The following PTPN13 variants were observed in gnomAD, a reference collection of about 807,000 sequenced individuals.
PTPN13 encodes protein tyrosine phosphatase non-receptor type 13.
A neutral mutation model predicts 284.0 loss-of-function variants in PTPN13; 191 were observed. That is an observed-to-expected ratio of 0.67 (90% CI 0.60 to 0.76). The LOEUF (loss-of-function observed/expected upper bound fraction) is 0.76. Ranked by LOEUF, PTPN13 falls within the 30% of genes least tolerant of loss-of-function variation. PTPN13 has a pLI of 0.00. For missense variants in PTPN13, 2,797 were observed against 2,939.9 expected (o/e 0.95, Z 1.12); for synonymous variants, 986 against 1,022.3 (o/e 0.96, Z 0.68).
chr4:86,681,935 G>GA (rs757862103), intron 3 of PTPN13, among the ~76,000 whole-genome samples: 22 of 145,964 alleles, frequency 1.5e-4, no homozygotes, highest in East Asian at 9.9e-4. Context: ...TCAAAAAAAA[G>GA]AAAAAAAAAG....
At chr4:86,719,577 A>G (rs1216142283) in intron 9 of PTPN13, among the ~76,000 whole-genome samples, 1 of 152,168 alleles carries the variant, frequency 6.6e-6, no homozygotes, top group Non-Finnish European at 1.5e-5. Flanking sequence ...TGATTGAACT[A>G]ATTTGCTCTC....
intron 2 of PTPN13, among the ~76,000 whole-genome samples, chr4:86,670,869 C>T (rs541316084): frequency 1.6e-4 from 24 of 152,218 alleles, no homozygotes; most frequent in Non-Finnish European, 2.6e-4. Flanking sequence ...CTGTAAAATA[C>T]GACAACATAT....
At chr4:86,738,767 A>G (rs990257210) in intron 15 of PTPN13, among the ~76,000 whole-genome samples, 1 of 151,936 alleles carries the variant, frequency 6.6e-6, no homozygotes, top group African/African-American at 2.4e-5. Flanking sequence ...TGCAGCCTCC[A>G]CCTCCCAGGC....
intron 17 of PTPN13, among the ~76,000 whole-genome samples, chr4:86,746,662 G>A (rs1460939674): frequency 6.6e-6 from 1 of 151,978 alleles, no homozygotes; most frequent in Non-Finnish European, 1.5e-5. Context: ...ATTTGATACG[G>A]AGTTTCGCTC....
intron 43 of PTPN13, among the ~76,000 whole-genome samples, chr4:86,804,236 G>T (rs1370210497): frequency 2.0e-5 from 3 of 151,980 alleles, no homozygotes; most frequent in African/African-American, 7.3e-5. Flanking sequence ...ACAGCTCCAA[G>T]AATGTGTGTC....
intron 9 of PTPN13, among the ~76,000 whole-genome samples, chr4:86,720,959 A>G (rs1320112027): frequency 2.6e-5 from 4 of 152,048 alleles, no homozygotes; most frequent in Non-Finnish European, 5.9e-5. Flanking sequence ...GAGAATTTCT[A>G]AGCCTTTTTA....
chr4:86,734,725 T>G lies in PTPN13; in HGVS notation c.2013-12T>G, dbSNP rs1381493579. On this transcript the variant is annotated splice_polypyrimidine_tract_variant and intron_variant, in intron 13 of 47. Coordinates refer to ENST00000411767, the MANE Select transcript of PTPN13 (RefSeq NM_080683.3). ...CAAAGGCCAAGATGTCTGTGTGTGT[T>G]TGTTTTTTCAGACATACTCTGACGT... The G allele has an allele frequency of 6.2e-7, 1 of 1,603,326 alleles. No individual in the cohort carries two copies. Among genetic ancestry groups the G allele is most frequent in the Admixed American group, 1.7e-5 (1 of 59,668 alleles).
At chr4:86,650,179 G>C (rs957972920) in intron 2 of PTPN13, among the ~76,000 whole-genome samples, 3 of 152,000 alleles carry the variant, frequency 2.0e-5, no homozygotes, top group Non-Finnish European at 4.4e-5. Context: ...TAGAGATGGG[G>C]TTCTGCCATA....
chr4:86,712,410 C>T (rs1450334748), intron 7 of PTPN13, among the ~76,000 whole-genome samples: 3 of 151,056 alleles, frequency 2.0e-5, no homozygotes, highest in African/African-American at 7.3e-5. Flanking sequence ...GAAAATGTGC[C>T]TCTCCATATA....
At chr4:86,649,150 T>A (rs2148797200) in intron 2 of PTPN13, among the ~76,000 whole-genome samples, 1 of 152,256 alleles carries the variant, frequency 6.6e-6, no homozygotes, top group Non-Finnish European at 1.5e-5. Flanking sequence ...AGTTTACAAA[T>A]ATTTCTCCCA....
intron 9 of PTPN13, among the ~76,000 whole-genome samples, chr4:86,720,023 T>C (rs1733482659): frequency 6.6e-6 from 1 of 152,130 alleles, no homozygotes; most frequent in South Asian, 2.1e-4. Context: ...TGAGGGAGAA[T>C]GTGTTTTAGA....
chr4:86,610,561 G>A (rs758032562), intron 1 of PTPN13, among the ~76,000 whole-genome samples: 1 of 152,200 alleles, frequency 6.6e-6, no homozygotes, highest in Admixed American at 6.5e-5. Context: ...GAACTAAAGA[G>A]CTCAGACTAG....
At chr4:86,633,549 A>G (rs997775991) in intron 1 of PTPN13, among the ~76,000 whole-genome samples, 1 of 151,668 alleles carries the variant, frequency 6.6e-6, no homozygotes, top group African/African-American at 2.4e-5. Context: ...TCAGCACACA[A>G]CTCTCTTCAA....
chr4:86,614,860 C>A (rs530216786), intron 1 of PTPN13, among the ~76,000 whole-genome samples: 1 of 152,114 alleles, frequency 6.6e-6, no homozygotes, highest in Non-Finnish European at 1.5e-5. Context: ...AAAAATTATA[C>A]TTGGTTTTTG....
At chr4:86,743,143 CTTATCCAGTCCATCCA>C (rs1288553315) in intron 16 of PTPN13, among the ~76,000 whole-genome samples, 1 of 152,140 alleles carries the variant, frequency 6.6e-6, no homozygotes, top group African/African-American at 2.4e-5. Context: ...AAGCACATTT[CTTATCCAGTCCATCCA>C]TTAACACTTG....
At chr4:86,615,269 T>C (rs1408380313) in intron 1 of PTPN13, among the ~76,000 whole-genome samples, 3 of 152,144 alleles carry the variant, frequency 2.0e-5, no homozygotes. Flanking sequence ...ATAGTGACTA[T>C]GCTAATAAAA....
intron 7 of PTPN13, among the ~76,000 whole-genome samples, chr4:86,713,203 GGCCTTATTGGTCTTATTGTCCTGTATGTT>G (rs1207367767): frequency 6.6e-6 from 1 of 151,942 alleles, no homozygotes; most frequent in African/African-American, 2.4e-5. Context: ...TCTTATCCAT[GGCCTTATTGGTCTTATTGTCCTGTATGTT>G]GCAATTCCGG....
At chr4:86,721,693 C>T (rs1207668158) in intron 9 of PTPN13, among the ~76,000 whole-genome samples, 1 of 109,508 alleles carries the variant, frequency 9.1e-6, no homozygotes, top group Non-Finnish European at 1.9e-5. Context: ...CTCTCCCTCT[C>T]CCCCGCTCCC....
At chr4:86,715,863 G>A (rs370747997) in intron 7 of PTPN13, among the ~76,000 whole-genome samples, 121 of 152,280 alleles carry the variant, frequency 7.9e-4, no homozygotes, top group African/African-American at 2.8e-3. Context: ...TGAAGAAGAG[G>A]GGATGGTTCA....
Sources: gnomAD v4.1 joint callset for allele counts (sites outside exome capture counted in the v4.1 genomes callset) on GRCh38, gnomAD v4.1.1 for gene constraint, MANE v1.5 for transcripts, NCBI Gene and HGNC (gene_info 2026-07-23, HGNC 2026-07-21) for gene names.